The following NRG3 variants were observed in gnomAD, a reference collection of about 807,000 sequenced individuals.
NRG3 encodes the protein pro-neuregulin-3, membrane-bound isoform.
NRG3 carries 31 observed loss-of-function variants against 66.9 expected under a neutral mutation model. That is an observed-to-expected ratio of 0.46 (90% CI 0.35 to 0.63). The LOEUF is 0.63. Among genes scored for constraint, NRG3 ranks in the 20% least tolerant of loss-of-function variants. The probability of loss-of-function intolerance (pLI) is 0.00; values close to 1 mark genes in which losing one functional copy is unlikely to be tolerated. For missense variants in NRG3, 910 were observed against 878.9 expected (o/e 1.04, Z -0.45); for synonymous variants, 393 against 359.4 (o/e 1.09, Z -1.06).
At chr10:82,702,304 T>C (rs918304941) in intron 2 of NRG3, among the ~76,000 whole-genome samples, 1 of 152,230 alleles carries the variant, frequency 6.6e-6, no homozygotes, top group African/African-American at 2.4e-5. Context: ...CTGAAGTTTT[T>C]GAAAGCAGTA....
chr10:82,453,116 A>T (rs1357967991), intron 2 of NRG3, among the ~76,000 whole-genome samples: 1 of 152,186 alleles, frequency 6.6e-6, no homozygotes, highest in Non-Finnish European at 1.5e-5. Flanking sequence ...TTAAATGAAG[A>T]GAACTTAACT....
At chr10:82,666,722 C>G (rs919132057) in intron 2 of NRG3, among the ~76,000 whole-genome samples, 1 of 152,192 alleles carries the variant, frequency 6.6e-6, no homozygotes, top group African/African-American at 2.4e-5. Context: ...TGACTTCTAT[C>G]CCAATTCTGA....
chr10:82,225,577 C>T (rs1339429745), intron 1 of NRG3: 3 of 152,108 alleles, frequency 2.0e-5, no homozygotes, highest in Non-Finnish European at 4.4e-5. Flanking sequence ...ACTAGATGAA[C>T]ATATACACAA....
intron 1 of NRG3, among the ~76,000 whole-genome samples, chr10:82,023,971 A>G (rs750344646): frequency 1.1e-4 from 16 of 152,092 alleles, no homozygotes; most frequent in Non-Finnish European, 1.8e-4. Context: ...CAGTGAATCT[A>G]TCAGGTCTTG....
At chr10:82,963,101 G>A (rs1850832909) in intron 6 of NRG3, among the ~76,000 whole-genome samples, 1 of 152,048 alleles carries the variant, frequency 6.6e-6, no homozygotes. Context: ...TTAAATCAAA[G>A]TACTATCAGA....
chr10:82,657,877 T>C (rs1380089908), intron 2 of NRG3, among the ~76,000 whole-genome samples: 4 of 148,176 alleles, frequency 2.7e-5, no homozygotes, highest in Non-Finnish European at 5.9e-5. Flanking sequence ...AAATTGAATA[T>C]GGTGTTAAGT....
At chr10:82,498,536 G>T (rs1387943754) in intron 2 of NRG3, among the ~76,000 whole-genome samples, 2 of 152,112 alleles carry the variant, frequency 1.3e-5, no homozygotes, top group Non-Finnish European at 2.9e-5. Flanking sequence ...GTGGGTAGAT[G>T]AATTCCATGA....
At chr10:81,966,960 C>T (rs2059753821) in intron 1 of NRG3, among the ~76,000 whole-genome samples, 1 of 151,506 alleles carries the variant, frequency 6.6e-6, no homozygotes, top group Non-Finnish European at 1.5e-5. Context: ...TGTTCTCTCT[C>T]TTTATTGCTT....
At chr10:82,712,790 C>T (rs1718832213) in intron 2 of NRG3, among the ~76,000 whole-genome samples, 1 of 152,036 alleles carries the variant, frequency 6.6e-6, no homozygotes, top group African/African-American at 2.4e-5. Flanking sequence ...GAGAATATTA[C>T]TGATGTGTCT....
intron 1 of NRG3, among the ~76,000 whole-genome samples, chr10:82,235,647 C>T (rs780311806): frequency 5.9e-5 from 9 of 152,120 alleles, no homozygotes; most frequent in African/African-American, 1.7e-4. Flanking sequence ...CTTTATCTCC[C>T]GTAGCACACA....
At chr10:82,469,085 G>A (rs1840977236) in intron 2 of NRG3, among the ~76,000 whole-genome samples, 1 of 152,168 alleles carries the variant, frequency 6.6e-6, no homozygotes, top group South Asian at 2.1e-4. Context: ...TCCTAAATAA[G>A]TTTGTAAGGG....
intron 1 of NRG3, among the ~76,000 whole-genome samples, chr10:82,341,720 C>T (rs1394778141): frequency 6.6e-6 from 1 of 151,940 alleles, no homozygotes; most frequent in African/African-American, 2.4e-5. Flanking sequence ...TTTGGTAACC[C>T]AATAGGTAGT....
chr10:82,152,888 C>A (rs2070879910), intron 1 of NRG3, among the ~76,000 whole-genome samples: 3 of 139,154 alleles, frequency 2.2e-5, no homozygotes, highest in Non-Finnish European at 3.1e-5. Flanking sequence ...CTTTTTCTTC[C>A]TTTTCTTTCT....
chr10:82,440,499 C>T (rs970598387), intron 2 of NRG3, among the ~76,000 whole-genome samples: 15 of 150,116 alleles, frequency 1.0e-4, no homozygotes, highest in African/African-American at 3.4e-4. Flanking sequence ...TTGATGTTTC[C>T]TGTGTCTCGG....
intron 1 of NRG3, among the ~76,000 whole-genome samples, chr10:82,235,122 T>C (rs145586804): frequency 1.3e-5 from 2 of 152,374 alleles, no homozygotes; most frequent in African/African-American, 2.4e-5. Flanking sequence ...AGGGCAGGGG[T>C]TGGCCAGCAA....
At chr10:82,303,926 C>T (rs897208190) in intron 1 of NRG3, among the ~76,000 whole-genome samples, 1 of 152,014 alleles carries the variant, frequency 6.6e-6, no homozygotes, top group African/African-American at 2.4e-5. Flanking sequence ...TTGGTTCCTT[C>T]CTTATGGATG....
rs143997743 is a variant in NRG3 at position 82,734,133 on chromosome 10, T to C, written c.954-4444T>C. ...TCAACCAATGATCACAGATCTTGTA[T>C]TGTCTCATCCTTGCTGGTACTGTTC... is the stretch of plus-strand genomic sequence containing the variant. On this transcript the variant is annotated intron_variant, in intron 2 of 8. Transcript: ENST00000372141. Among the ~76,000 whole-genome samples the C allele has an allele frequency of 9.6e-4, 147 of 152,338 alleles. 1 individual carries two copies. The East Asian group carries it at 0.022, about 22-fold the overall frequency.
chr10:81,894,471 C>A (rs973894701), intron 1 of NRG3, among the ~76,000 whole-genome samples: 12 of 152,168 alleles, frequency 7.9e-5, no homozygotes, highest in Non-Finnish European at 8.8e-5. Flanking sequence ...GCCACCTTAT[C>A]ACTGTATCCT....
At chr10:82,014,763 T>A (rs2061714429) in intron 1 of NRG3, among the ~76,000 whole-genome samples, 1 of 152,142 alleles carries the variant, frequency 6.6e-6, no homozygotes, top group Admixed American at 6.6e-5. Context: ...GTAGGGCAGA[T>A]TCTCATTTTT....
Sources: allele counts gnomAD v4.1 joint callset (sites outside exome capture counted in the v4.1 genomes callset), GRCh38; gene constraint gnomAD v4.1.1; transcripts MANE v1.5; gene names NCBI Gene and HGNC (gene_info 2026-07-23, HGNC 2026-07-21).